The following NRG1 variants were observed in gnomAD, a reference collection of about 807,000 sequenced individuals.
NRG1 encodes neuregulin 1.
A neutral mutation model predicts 63.8 loss-of-function variants in NRG1; 18 were observed. That is an observed-to-expected ratio of 0.28 (90% CI 0.19 to 0.42). The LOEUF is 0.42. NRG1 is among the 10% of genes least tolerant of loss of function. NRG1 has a pLI of 1.00. For missense variants in NRG1, 762 were observed against 814.7 expected (o/e 0.94, Z 0.79); for synonymous variants, 302 against 301.3 (o/e 1.00, Z -0.02).
At chr8:32,066,428 A>G (rs1484268833) in intron 1 of NRG1, among the ~76,000 whole-genome samples, 2 of 152,216 alleles carry the variant, frequency 1.3e-5, no homozygotes, top group Admixed American at 1.3e-4. Flanking sequence ...TCCCAGCACC[A>G]TTTATTAAAT....
chr8:31,993,890 C>A (rs982883485), intron 1 of NRG1, among the ~76,000 whole-genome samples: 2 of 152,000 alleles, frequency 1.3e-5, no homozygotes, highest in Admixed American at 6.6e-5. Context: ...CACAACCAAC[C>A]CTACTGAGTA....
chr8:32,771,098 T>A (rs1831753756), downstream of NRG1, among the ~76,000 whole-genome samples: 1 of 151,928 alleles, frequency 6.6e-6, no homozygotes, highest in East Asian at 1.9e-4. Flanking sequence ...TTTGATAAGT[T>A]CTTTAGGTTT....
intron 1 of NRG1, among the ~76,000 whole-genome samples, chr8:31,708,557 T>A: frequency 6.7e-6 from 1 of 149,190 alleles, no homozygotes; most frequent in Non-Finnish European, 1.5e-5. Flanking sequence ...GCCATTCTCC[T>A]GCCTCAGCCT....
rs1352562578 is a variant in NRG1 at position 31,643,131 on chromosome 8, G to C, written c.37+3700G>C. ...GAGAGAGAGAACTAGCAAGAGGAAAGAATGAGAATGAGAATGGGGGCTGAT... is the reference window on the plus strand; with the variant it reads ...GAGAGAGAGAACTAGCAAGAGGAAACAATGAGAATGAGAATGGGGGCTGAT... On this transcript the variant is annotated intron_variant, in intron 1 of 10. Coordinates refer to the NRG1 transcript ENST00000519301. Among the ~76,000 whole-genome samples, 3 of 152,284 alleles carry C rather than the reference G, an allele frequency of 2.0e-5. No homozygotes were observed. In the East Asian group the frequency reaches 5.8e-4, roughly 29 times the overall value.
intron 1 of NRG1, among the ~76,000 whole-genome samples, chr8:32,582,263 A>G (rs997535538): frequency 6.6e-6 from 1 of 151,104 alleles, no homozygotes; most frequent in Admixed American, 6.6e-5. Flanking sequence ...ACACCTGGGT[A>G]ATTTTTGTAT....
chr8:31,804,967 G>A (rs1195633096), intron 1 of NRG1, among the ~76,000 whole-genome samples: 1 of 152,188 alleles, frequency 6.6e-6, no homozygotes, highest in African/African-American at 2.4e-5. Flanking sequence ...GACTGTTACT[G>A]CTGAGACACA....
chr8:32,213,944 A>G (rs903356220), intron 1 of NRG1, among the ~76,000 whole-genome samples: 4 of 152,174 alleles, frequency 2.6e-5, no homozygotes, highest in Admixed American at 2.0e-4. Context: ...AAATGACAAG[A>G]CAAAGGAACG....
chr8:31,790,262 A>G (rs1441059363), intron 1 of NRG1, among the ~76,000 whole-genome samples: 2 of 152,220 alleles, frequency 1.3e-5, no homozygotes, highest in African/African-American at 4.8e-5. Flanking sequence ...AAACTATTGA[A>G]GTAACAAGAA....
intron 1 of NRG1, among the ~76,000 whole-genome samples, chr8:32,245,359 G>C (rs1027437615): frequency 2.6e-5 from 4 of 152,104 alleles, no homozygotes; most frequent in Non-Finnish European, 2.9e-5. Flanking sequence ...AAGCAAACTG[G>C]AAGGCTTCAC....
chr8:31,893,633 G>A (rs959462107), intron 1 of NRG1, among the ~76,000 whole-genome samples: 17 of 151,704 alleles, frequency 1.1e-4, no homozygotes, highest in African/African-American at 3.9e-4. Context: ...TCATCAAATG[G>A]AAAATTATAA....
intron 1 of NRG1, among the ~76,000 whole-genome samples, chr8:32,312,427 G>A (rs149602010): frequency 0.016 from 2,328 of 146,076 alleles, 74 homozygotes; most frequent in African/African-American, 0.056. Flanking sequence ...CACCTGCCTC[G>A]GCCTCCCAAA....
intron 1 of NRG1, among the ~76,000 whole-genome samples, chr8:31,820,848 A>G (rs780829668): frequency 5.9e-5 from 9 of 152,196 alleles, no homozygotes; most frequent in Non-Finnish European, 1.0e-4. Flanking sequence ...ATATACAAGC[A>G]TTAAGGCCTT....
chr8:32,771,717 T>A (rs36015782), downstream of NRG1, among the ~76,000 whole-genome samples: 10,611 of 47,664 alleles, frequency 0.22, 550 homozygotes, highest in Non-Finnish European at 0.31. Flanking sequence ...AAAAAAAAAA[T>A]ATATATATAT....
intron 1 of NRG1, among the ~76,000 whole-genome samples, chr8:32,385,961 C>T (rs1189808753): frequency 2.0e-5 from 3 of 152,184 alleles, no homozygotes; most frequent in African/African-American, 4.8e-5. Context: ...ATTCAAATCA[C>T]GTAATGAGAA....
chr8:32,458,166 T>A (rs570513421), intron 1 of NRG1, among the ~76,000 whole-genome samples: 1 of 152,260 alleles, frequency 6.6e-6, no homozygotes, highest in South Asian at 2.1e-4. Flanking sequence ...TCCTCCCGCC[T>A]CGGCCTCCCA....
intron 1 of NRG1, among the ~76,000 whole-genome samples, chr8:32,342,773 A>T (rs776900450): frequency 1.3e-5 from 2 of 152,232 alleles, no homozygotes; most frequent in Non-Finnish European, 2.9e-5. Flanking sequence ...TCTAAAAAAT[A>T]AACAAGCATT....
chr8:32,219,742 C>T (rs766462512), intron 1 of NRG1, among the ~76,000 whole-genome samples: 2 of 152,094 alleles, frequency 1.3e-5, no homozygotes, highest in African/African-American at 4.8e-5. Context: ...TCATCTTGGT[C>T]GTGTTGAATG....
intron 1 of NRG1, among the ~76,000 whole-genome samples, chr8:32,177,552 T>A (rs1840927072): frequency 6.6e-6 from 1 of 151,948 alleles, no homozygotes. Flanking sequence ...TTTCCCCCCA[T>A]CCCTTGACAG....
chr8:32,320,025 A>C (rs929215731), intron 1 of NRG1, among the ~76,000 whole-genome samples: 1 of 152,158 alleles, frequency 6.6e-6, no homozygotes, highest in Non-Finnish European at 1.5e-5. Flanking sequence ...AACCCAGGAT[A>C]ACCTGGTTTT....
Sources: gnomAD v4.1 joint callset for allele counts (sites outside exome capture counted in the v4.1 genomes callset) on GRCh38, gnomAD v4.1.1 for gene constraint, MANE v1.5 for transcripts, NCBI Gene and HGNC (gene_info 2026-07-23, HGNC 2026-07-21) for gene names.